LPA: variants seen among roughly 807,000 people sequenced by gnomAD.
The protein encoded by LPA is lipoprotein(a), also known as apolipoprotein(a).
LPA carries 199 observed loss-of-function variants against 197.9 expected under a neutral mutation model. The observed-to-expected ratio is 1.01, with a 90% CI of 0.90 to 1.13. The LOEUF is 1.13. Among genes scored for constraint, LPA ranks in the 50% most tolerant of loss-of-function variants. LPA has a pLI of 0.00. For synonymous variants in LPA, 715 were observed against 639.5 expected (o/e 1.12, Z -1.78); for missense variants, 1,853 against 1,785.8 (o/e 1.04, Z -0.68).
chr6:160,571,842 A>T (rs1184446432), intron 28 of LPA, among the ~76,000 whole-genome samples: 3 of 152,132 alleles, frequency 2.0e-5, no homozygotes, highest in Non-Finnish European at 4.4e-5. Context: ...GAGAAAGACC[A>T]CTTAGCTCCC....
At chr6:160,648,013 A>C (rs1228673125) in intron 2 of LPA, among the ~76,000 whole-genome samples, 10 of 152,148 alleles carry the variant, frequency 6.6e-5, no homozygotes, top group African/African-American at 2.2e-4. Context: ...GCTGATTCCA[A>C]AGTCTTACAG....
chr6:160,534,573 G>A (rs1446914621), intron 37 of LPA, among the ~76,000 whole-genome samples: 3 of 152,204 alleles, frequency 2.0e-5, no homozygotes, highest in Admixed American at 6.5e-5. Context: ...ATCCGGGAAG[G>A]TCTGGACACA....
At chr6:160,589,734 A>T (rs7453899) in intron 23 of LPA, 22 bp from the exon 24 acceptor site, 570,203 of 1,612,634 alleles carry the variant, frequency 0.35, 103,953 homozygotes, top group African/African-American at 0.56. Context: ...AGAGGAGAAA[A>T]CAAACTGAGT....
chr6:160,559,091 C>T (rs1778319641), intron 28 of LPA, among the ~76,000 whole-genome samples: 1 of 152,216 alleles, frequency 6.6e-6, no homozygotes, highest in South Asian at 2.1e-4. Context: ...TTTGGATCAA[C>T]ACCTATACCT....
At chr6:160,654,263 T>C (rs1483957915) in intron 1 of LPA, among the ~76,000 whole-genome samples, 5 of 147,738 alleles carry the variant, frequency 3.4e-5, no homozygotes, top group Non-Finnish European at 5.9e-5. Flanking sequence ...AGGAAGCATT[T>C]GGCACAGGAG....
Position 160,585,138 on chromosome 6 carries a change from T to G in LPA, c.4197A>C (p.Thr1399=), listed in dbSNP as rs1480937912. ...TTCTTCCTGTGATAGTGGTGGAGAG[T>G]GTGCCTCGATAACTCTGTCCATCAC... ...YRGDGQSYRG[T]LSTTITGRTC... is the part of the protein sequence containing the mutation. Residue 1399 remains threonine (T), a synonymous_variant, in exon 26 of 39, where the codon ACA becomes ACC. Transcript: ENST00000316300. 6.2e-7 allele frequency: 1 copy of G among 1,613,528 alleles called. No individual in the cohort carries two copies. Among genetic ancestry groups the G allele is most frequent in the Non-Finnish European group, 8.5e-7 (1 of 1,179,768 alleles).
intron 6 of LPA, among the ~76,000 whole-genome samples, chr6:160,635,530 T>G (rs1311312893): frequency 2.5e-5 from 3 of 120,138 alleles, no homozygotes; most frequent in Admixed American, 2.3e-4. Flanking sequence ...ATAAAAAATC[T>G]AAAGTAGCAA....
At position 160,606,520 on chromosome 6, in the gene LPA, T is replaced by C. The variant is rs749986961; in HGVS notation, c.2742A>G (p.Pro914=). The C allele has an allele frequency of 3.0e-5, 49 of 1,613,480 alleles. No individual in the cohort carries two copies. In the African/African-American group the frequency reaches 3.1e-4, roughly 10 times the overall value. Residue 914 remains proline, a synonymous_variant, in exon 17 of 39, where the codon CCA becomes CCG. Coordinates refer to ENST00000316300, the MANE Select transcript of LPA (RefSeq NM_005577.4). The stretch of plus-strand genomic sequence containing the variant: ...CTAGGCTTGGAATCGGGGTAATAGT[T>C]GGAGGCGCGACGGCAGTCCCTTCTG... ...SDAEGTAVAP[P]TITPIPSLEA...
chr6:160,651,863 A>C (rs995429397), intron 1 of LPA, among the ~76,000 whole-genome samples: 9 of 152,212 alleles, frequency 5.9e-5, no homozygotes, highest in African/African-American at 2.2e-4. Flanking sequence ...TAACATGAAA[A>C]TGCTAGGAAG....
chr6:160,610,144 G>T (rs904183214), intron 16 of LPA, among the ~76,000 whole-genome samples: 1 of 151,984 alleles, frequency 6.6e-6, no homozygotes, highest in Non-Finnish European at 1.5e-5. Flanking sequence ...TTATTTTCTG[G>T]TCATGGATCA....
chr6:160,648,599 T>C lies in LPA; in HGVS notation c.209+1739A>G, dbSNP rs979514906. Among the ~76,000 whole-genome samples, 17 of 152,124 alleles carry C rather than the reference T, an allele frequency of 1.1e-4. 1 individual carries two copies. Among genetic ancestry groups the C allele is most frequent in the Non-Finnish European group, 1.5e-5 (1 of 68,010 alleles). On this transcript the variant is annotated intron_variant, in intron 2 of 38. Transcript: ENST00000316300. ...AAGCTTATACATGTTTGAGTGTGTG[T>C]GTATGCATGCGTGTGTTTTGTATGT...
chr6:160,534,707 T>C (rs1345722843), intron 37 of LPA, among the ~76,000 whole-genome samples: 2 of 152,202 alleles, frequency 1.3e-5, no homozygotes, highest in African/African-American at 2.4e-5. Flanking sequence ...TGGCTCCTCC[T>C]GGTCTAGTTG....
chr6:160,600,967 A>G lies in LPA; in HGVS notation c.3077T>C (p.Val1026Ala). 1 of 1,613,754 alleles carries G rather than the reference A, an allele frequency of 6.2e-7. No homozygotes were observed. The highest frequency in any genetic ancestry group is 8.5e-7 in the Non-Finnish European group (1 of 1,179,978). Reference protein sequence around the residue: ...RCSDAEWTAFVPPNVILAPSL... With the variant: ...RCSDAEWTAFAPPNVILAPSL... ...TGGAGCCAGAATAACATTCGGAGGG[A>G]CGAAGGCAGTCCATTCTGCATCTGA... is the stretch of plus-strand genomic sequence containing the variant. Residue 1026 changes from valine (V) to alanine (A), a missense_variant, in exon 19 of 39, where the codon GTC (valine) becomes GCC (alanine). This residue lies in a region of LPA where 1,737 missense variants were observed against 1,504.4 expected (regional missense o/e 1.15). Transcript: ENST00000316300.
At chr6:160,651,204 C>A (rs987000021) in intron 1 of LPA, among the ~76,000 whole-genome samples, 1 of 152,210 alleles carries the variant, frequency 6.6e-6, no homozygotes, top group Non-Finnish European at 1.5e-5. Context: ...CTGACTAAGA[C>A]TGAAGTGGCT....
chr6:160,660,865 C>A (rs111615322), intron 1 of LPA, among the ~76,000 whole-genome samples: 10 of 152,118 alleles, frequency 6.6e-5, no homozygotes, highest in Non-Finnish European at 1.5e-5. Flanking sequence ...GGGGAGAATT[C>A]AGTTTTTCCA....
chr6:160,545,928 G>A (rs902212171), intron 32 of LPA, among the ~76,000 whole-genome samples: 1 of 152,150 alleles, frequency 6.6e-6, no homozygotes, highest in Non-Finnish European at 1.5e-5. Flanking sequence ...ATTCAGAAAT[G>A]CTTACTTCCA....
intron 28 of LPA, among the ~76,000 whole-genome samples, chr6:160,570,812 G>A (rs1778549306): frequency 6.6e-6 from 1 of 152,092 alleles, no homozygotes; most frequent in African/African-American, 2.4e-5. Context: ...TGACGATTAT[G>A]TGTCTTCAGG....
At chr6:160,600,816 AC>A in intron 19 of LPA, 100 bp downstream of exon 19, 1 of 1,340,794 alleles carries the variant, frequency 7.5e-7, no homozygotes, top group Non-Finnish European at 1.1e-6. Flanking sequence ...GAACCAACAC[AC>A]GAGAACCAGT....
Position 160,578,552 on chromosome 6 carries a change from AC to A in LPA, c.4441del (p.Val1481PhefsTer49). The A allele has an allele frequency of 1.2e-6, 2 of 1,613,670 alleles. No homozygotes were observed. Among genetic ancestry groups the A allele is most frequent in the South Asian group, 2.2e-5 (2 of 91,062 alleles). ...SVLTTPTVAPVPSTEAPSEQA... is the reference protein window; with the variant it reads ...SVLTTPTVAPXPSTEAPSEQA... Reference sequence around the variant, plus strand: ...TTCAGAAGGAGCCTCTGTGCTTGGAACCGGGGCCACTGTGGGAGTTGTGAGG... The same window carrying A: ...TTCAGAAGGAGCCTCTGTGCTTGGAACGGGGCCACTGTGGGAGTTGTGAGG... On this transcript the variant is annotated frameshift_variant, in exon 27 of 39. Coordinates refer to ENST00000316300, the MANE Select transcript of LPA (RefSeq NM_005577.4). LOFTEE classifies it high-confidence loss of function.
Sources: gnomAD v4.1 joint callset for allele counts (sites outside exome capture counted in the v4.1 genomes callset) on GRCh38, gnomAD v4.1.1 for gene constraint, gnomAD v4.1.1 regional missense constraint, MANE v1.5 for transcripts, NCBI Gene and HGNC (gene_info 2026-07-23, HGNC 2026-07-21) for gene names.